FHIT: variants seen among roughly 807,000 people sequenced by gnomAD.
FHIT encodes the protein bis(5'-adenosyl)-triphosphatase.
In FHIT, 19 loss-of-function variants were observed where a neutral mutation model predicts 17.9. That is an observed-to-expected ratio of 1.06 (90% CI 0.74 to 1.56). The LOEUF (loss-of-function observed/expected upper bound fraction) is 1.56. Among genes scored for constraint, FHIT ranks in the 40% most tolerant of loss-of-function variants. FHIT has a pLI of 0.00. For synonymous variants in FHIT, 81 were observed against 69.7 expected (o/e 1.16, Z -0.81); for missense variants, 248 against 189.2 (o/e 1.31, Z -1.82).
At chr3:59,870,864 T>TGTTTGTGTCTGC (rs1553701974) in intron 8 of FHIT, among the ~76,000 whole-genome samples, 3 of 112,356 alleles carry the variant, frequency 2.7e-5, no homozygotes, top group African/African-American at 8.0e-5. Flanking sequence ...GGCGTGTGTG[T>TGTTTGTGTCTGC]GTGTGTGTGC....
chr3:61,056,950 A>G (rs1335291037), intron 2 of FHIT, among the ~76,000 whole-genome samples: 1 of 152,178 alleles, frequency 6.6e-6, no homozygotes, highest in African/African-American at 2.4e-5. Flanking sequence ...CAAACTTACT[A>G]CTTAAATAAT....
chr3:59,809,707 G>T lies in FHIT; in HGVS notation c.349-57386C>A, dbSNP rs1251354348. Among the ~76,000 whole-genome samples the T allele has an allele frequency of 2.0e-5, 3 of 152,176 alleles. No homozygotes were observed. In the East Asian group the frequency reaches 5.8e-4, roughly 29 times the overall value. On this transcript the variant is annotated intron_variant, in intron 8 of 9. Coordinates refer to ENST00000492590, the MANE Select transcript of FHIT (RefSeq NM_002012.4). Reference sequence around the variant, plus strand: ...GCTTTCTTTGTAATGACTGGGGTTTGTTTTATTTGTTTGCTTGTTTCCAGG... The same window carrying T: ...GCTTTCTTTGTAATGACTGGGGTTTTTTTTATTTGTTTGCTTGTTTCCAGG...
intron 5 of FHIT, among the ~76,000 whole-genome samples, chr3:60,335,751 T>G (rs898901441): frequency 6.6e-6 from 1 of 152,170 alleles, no homozygotes; most frequent in Admixed American, 6.6e-5. Flanking sequence ...TTGGGTTGGA[T>G]AAACTATATT....
At chr3:60,517,989 C>T (rs190402076) in intron 5 of FHIT, among the ~76,000 whole-genome samples, 1 of 151,996 alleles carries the variant, frequency 6.6e-6, no homozygotes, top group East Asian at 1.9e-4. Context: ...TTAAAGCATG[C>T]CTATGAAGTT....
chr3:60,872,510 C>A (rs1275517272), intron 3 of FHIT, among the ~76,000 whole-genome samples: 2 of 152,070 alleles, frequency 1.3e-5, no homozygotes, highest in Non-Finnish European at 2.9e-5. Context: ...GAAAAATTCT[C>A]AAGGAGCAAA....
At chr3:60,171,330 T>TA (rs1287049751) in intron 5 of FHIT, among the ~76,000 whole-genome samples, 3 of 152,180 alleles carry the variant, frequency 2.0e-5, no homozygotes, top group African/African-American at 4.8e-5. Flanking sequence ...TTCAGACAAC[T>TA]ACATATTGAG....
In FHIT at chr3:60,434,108, G is replaced by C. The variant is rs139175215; in HGVS notation, c.103+102752C>G. Among the ~76,000 whole-genome samples, 243 of 152,088 alleles carry C rather than the reference G, an allele frequency of 1.6e-3. 2 individuals carry two copies. The highest frequency in any genetic ancestry group is 3.7e-4 in the Non-Finnish European group (25 of 67,984). On this transcript the variant is annotated intron_variant, in intron 5 of 9. Transcript: ENST00000492590. ...TGTACCACAGAATACATTAAAATTG[G>C]ACCCTTTTATTATACCATATTCAAC... is the stretch of plus-strand genomic sequence containing the variant.
At chr3:59,868,444 A>G (rs185072407) in intron 8 of FHIT, among the ~76,000 whole-genome samples, 31 of 152,346 alleles carry the variant, frequency 2.0e-4, no homozygotes, top group Non-Finnish European at 3.8e-4. Context: ...TGAAAAGAAA[A>G]TTAGCTCAAG....
At chr3:61,104,397 C>T (rs957631102) in intron 2 of FHIT, among the ~76,000 whole-genome samples, 2 of 152,198 alleles carry the variant, frequency 1.3e-5, no homozygotes, top group Non-Finnish European at 2.9e-5. Flanking sequence ...CATTGGCCCC[C>T]AGTCTCTTCT....
At chr3:60,171,910 A>G (rs904263970) in intron 5 of FHIT, among the ~76,000 whole-genome samples, 3 of 152,016 alleles carry the variant, frequency 2.0e-5, no homozygotes, top group Admixed American at 2.0e-4. Flanking sequence ...TGTTGCCCAG[A>G]TTTGTATCAT....
At chr3:61,113,642 A>T (rs2036221252) in intron 2 of FHIT, among the ~76,000 whole-genome samples, 1 of 152,180 alleles carries the variant, frequency 6.6e-6, no homozygotes, top group Admixed American at 6.5e-5. Flanking sequence ...TAAGCTTACC[A>T]CAAACTCATT....
intron 7 of FHIT, among the ~76,000 whole-genome samples, chr3:59,993,853 T>A (rs1699393641): frequency 6.6e-6 from 1 of 152,014 alleles, no homozygotes; most frequent in South Asian, 2.1e-4. Flanking sequence ...AACATGGGGA[T>A]AAAATTCCTG....
At chr3:59,828,223 T>C (rs181152503) in intron 8 of FHIT, among the ~76,000 whole-genome samples, 7 of 152,330 alleles carry the variant, frequency 4.6e-5, no homozygotes, top group Admixed American at 1.3e-4. Context: ...TCTATCTTCA[T>C]AGTTTTTAAA....
At chr3:60,024,008 A>C (rs1433774829) in intron 5 of FHIT, among the ~76,000 whole-genome samples, 1 of 151,888 alleles carries the variant, frequency 6.6e-6, no homozygotes, top group Non-Finnish European at 1.5e-5. Flanking sequence ...AAAAAGAATT[A>C]TGAATTCCTA....
chr3:60,047,759 T>G (rs983770188), intron 5 of FHIT, among the ~76,000 whole-genome samples: 1 of 152,188 alleles, frequency 6.6e-6, no homozygotes, highest in Non-Finnish European at 1.5e-5. Context: ...TATTCCCCAC[T>G]TCATGGACCA....
rs149197184 is a variant in FHIT, at chr3:61,079,559, T to G, written c.-163-37460A>C. On this transcript the variant is annotated intron_variant, in intron 2 of 9. Transcript: ENST00000492590. ...ATAATACCAAAAAATATGCAAAATC[T>G]TCTCCTCCCTATTTATTACAAGTAT... is the stretch of plus-strand genomic sequence containing the variant. Among the ~76,000 whole-genome samples the G allele has an allele frequency of 2.7e-3, 413 of 152,302 alleles. 2 individuals carry two copies. Among genetic ancestry groups the G allele is most frequent in the African/African-American group, 9.1e-3 (379 of 41,578 alleles).
intron 4 of FHIT, among the ~76,000 whole-genome samples, chr3:60,808,943 C>T (rs1462372987): frequency 9.9e-5 from 15 of 152,140 alleles, no homozygotes; most frequent in African/African-American, 2.4e-4. Context: ...TCAACATACA[C>T]GAAACAGTTT....
At chr3:60,017,028 G>T (rs139855583) in intron 5 of FHIT, among the ~76,000 whole-genome samples, 301 of 152,204 alleles carry the variant, frequency 2.0e-3, no homozygotes, top group African/African-American at 6.9e-3. Flanking sequence ...ATTAAAACTA[G>T]AATTCAACCC....
At chr3:60,861,160 T>TC (rs1703803112) in intron 3 of FHIT, among the ~76,000 whole-genome samples, 1 of 30,060 alleles carries the variant, frequency 3.3e-5, no homozygotes, top group Admixed American at 5.7e-4. Flanking sequence ...TATATACATA[T>TC]ATATCATATG....
Sources: gnomAD v4.1 joint callset for allele counts (sites outside exome capture counted in the v4.1 genomes callset) on GRCh38, gnomAD v4.1.1 for gene constraint, MANE v1.5 for transcripts, NCBI Gene and HGNC (gene_info 2026-07-23, HGNC 2026-07-21) for gene names.